PRKD3: variants seen among roughly 807,000 people sequenced by gnomAD.
PRKD3 encodes the protein serine/threonine-protein kinase D3.
In PRKD3, 47 loss-of-function variants were observed where a neutral mutation model predicts 99.2. That is an observed-to-expected ratio of 0.47 (90% CI 0.38 to 0.60). The LOEUF (loss-of-function observed/expected upper bound fraction) is 0.60. Ranked by LOEUF, PRKD3 falls within the 20% of genes least tolerant of loss-of-function variation. PRKD3 has a pLI of 0.00. For synonymous variants in PRKD3, 392 were observed against 355.4 expected, an observed-to-expected ratio of 1.10 and a Z score of -1.16; for missense variants, 1,019 against 1,088.4, an observed-to-expected ratio of 0.94 and a Z score of 0.90.
chr2:37,286,251 T>G lies in PRKD3; in HGVS notation c.836A>C (p.Tyr279Ser). 1 of 1,614,140 alleles carries G rather than the reference T, an allele frequency of 6.2e-7. No individual in the cohort carries two copies. ...GTACTGACATATCGTGGGACGGGTG[T>G]AAGAGTGAACAGCAAATGTGTGTGG... ...KVPHTFAVHS[Y>S]TRPTICQYCK... Residue 279 changes from tyrosine (Y) to serine (S), a missense_variant, in exon 6 of 19, where the codon TAC becomes TCC. Transcript: ENST00000234179.
At chr2:37,283,441 C>G (rs893307019) in intron 6 of PRKD3, among the ~76,000 whole-genome samples, 3 of 152,142 alleles carry the variant, frequency 2.0e-5, no homozygotes, top group Admixed American at 6.5e-5. Flanking sequence ...TTTTGTAACC[C>G]TTGTGAGTCA....
chr2:37,305,763 C>CT (rs1671136885), intron 2 of PRKD3, among the ~76,000 whole-genome samples: 1 of 152,190 alleles, frequency 6.6e-6, no homozygotes, highest in South Asian at 2.1e-4. Flanking sequence ...GGCTTTGGGA[C>CT]TTTAAGATCA....
chr2:37,307,971 T>C (rs1671235633), intron 2 of PRKD3, among the ~76,000 whole-genome samples: 1 of 152,246 alleles, frequency 6.6e-6, no homozygotes, highest in African/African-American at 2.4e-5. Flanking sequence ...GTTCTCTATT[T>C]CTATGAAATT....
chr2:37,318,517 C>CT (rs1347576751), intron 1 of PRKD3, among the ~76,000 whole-genome samples: 1 of 152,216 alleles, frequency 6.6e-6, no homozygotes, highest in Non-Finnish European at 1.5e-5. Flanking sequence ...CAAGAACACA[C>CT]TATTTCTCGA....
intron 13 of PRKD3, chr2:37,267,810 C>G: frequency 2.9e-6 from 1 of 347,990 alleles, no homozygotes; most frequent in Non-Finnish European, 5.2e-6. Flanking sequence ...CTTGTTAAAT[C>G]AATGATAGTT....
chr2:37,263,859 C>T (rs976878374), intron 14 of PRKD3, among the ~76,000 whole-genome samples: 4 of 152,052 alleles, frequency 2.6e-5, no homozygotes, highest in Admixed American at 2.6e-4. Flanking sequence ...AGTATGCTCA[C>T]TTCTGTTAAT....
chr2:37,289,623 T>C (rs1320021389), intron 4 of PRKD3, 110 bp from the exon 5 acceptor site: 2 of 896,816 alleles, frequency 2.2e-6, no homozygotes, highest in South Asian at 2.1e-5. Context: ...CTGTTAGCCA[T>C]ACCTATCCTA....
At chr2:37,256,592 T>A (rs955124741) in intron 17 of PRKD3, 70 bp downstream of exon 17, 10 of 1,419,882 alleles carry the variant, frequency 7.0e-6, no homozygotes, top group Non-Finnish European at 1.8e-6. Context: ...TGATTTGGGA[T>A]GAGAAAGATG....
chr2:37,262,652 A>AG (rs1668552870), intron 14 of PRKD3, among the ~76,000 whole-genome samples: 1 of 151,006 alleles, frequency 6.6e-6, no homozygotes, highest in African/African-American at 2.5e-5. Context: ...CTGTTTTGCT[A>AG]GGCCATAGTT....
intron 2 of PRKD3, among the ~76,000 whole-genome samples, chr2:37,300,107 A>C (rs1670856072): frequency 6.6e-6 from 1 of 152,216 alleles, no homozygotes; most frequent in South Asian, 2.1e-4. Flanking sequence ...TAGCCACAAC[A>C]GGGAATCAAC....
intron 2 of PRKD3, among the ~76,000 whole-genome samples, chr2:37,314,256 G>C (rs1309604824): frequency 6.6e-6 from 1 of 152,150 alleles, no homozygotes; most frequent in Non-Finnish European, 1.5e-5. Context: ...TCCTCTTGAG[G>C]AAAAATGATT....
chr2:37,275,912 T>C, intron 9 of PRKD3, 68 bp from the exon 10 acceptor site: 1 of 1,514,006 alleles, frequency 6.6e-7, no homozygotes, highest in Non-Finnish European at 8.8e-7. Flanking sequence ...GTACCTAACT[T>C]TTCCCTTCAT....
Position 37,252,069 on chromosome 2 carries a change from C to T in PRKD3, c.*1108G>A, listed in dbSNP as rs912660926. ...TCTTTAATTTGCTGTGCTGATAATA[C>T]AGCCCCAGCCTTATAAACTGTTTCA... On this transcript the variant is annotated 3_prime_UTR_variant, in exon 19 of 19. Coordinates refer to ENST00000234179, the MANE Select transcript of PRKD3 (RefSeq NM_005813.6). The T allele has an allele frequency of 2.6e-5, 4 of 152,114 alleles. No homozygotes were observed. Among genetic ancestry groups the T allele is most frequent in the Admixed American group, 6.6e-5 (1 of 15,258 alleles). The allele number at this position is 152,114 out of a possible 1,614,324, so 9.4% of individuals were successfully genotyped here.
intron 2 of PRKD3, among the ~76,000 whole-genome samples, chr2:37,308,481 G>A (rs1347315986): frequency 6.6e-6 from 1 of 151,876 alleles, no homozygotes; most frequent in African/African-American, 2.4e-5. Context: ...CTGCAGTGAA[G>A]TGGCGCAATC....
intron 13 of PRKD3, 25 bp downstream of exon 13, chr2:37,269,590 T>G (rs1213386741): frequency 6.3e-7 from 1 of 1,579,866 alleles, no homozygotes; most frequent in Admixed American, 1.7e-5. Context: ...ATGTGTACAA[T>G]ATGCAAACGG....
At position 37,290,965 on chromosome 2, in the gene PRKD3, T is replaced by C; in HGVS notation, c.462A>G (p.Pro154=). 1 of 1,608,236 alleles carries C rather than the reference T, an allele frequency of 6.2e-7. No homozygotes were observed. The highest frequency in any genetic ancestry group is 8.5e-7 in the Non-Finnish European group (1 of 1,175,628). The change falls in exon 4 of 19, where the codon CCA becomes CCG. Residue 154 remains proline (P), a synonymous_variant. Coordinates refer to ENST00000234179, the MANE Select transcript of PRKD3 (RefSeq NM_005813.6). ...TGTAAGAATGTACATAGAGAGTATG[T>C]GGACGAATCTGGAAGTCTTCTACTG... ...LATVEDFQIR[P]HTLYVHSYKA...
intron 11 of PRKD3, among the ~76,000 whole-genome samples, chr2:37,273,872 TAA>T (rs1156721178): frequency 2.0e-5 from 3 of 152,256 alleles, no homozygotes; most frequent in African/African-American, 7.2e-5. Flanking sequence ...CTTAATTATA[TAA>T]GTTTTGTTGG....
intron 14 of PRKD3, among the ~76,000 whole-genome samples, chr2:37,261,314 C>T (rs944573891): frequency 6.6e-6 from 1 of 150,864 alleles, no homozygotes; most frequent in African/African-American, 2.4e-5. Flanking sequence ...CGGTGAAATC[C>T]TGTCTCTACC....
intron 6 of PRKD3, among the ~76,000 whole-genome samples, chr2:37,284,941 C>G (rs1028787272): frequency 7.2e-5 from 11 of 152,144 alleles, no homozygotes; most frequent in African/African-American, 1.2e-4. Flanking sequence ...ATCCCTCCCC[C>G]CTCAGAAAAG....
Sources: allele counts gnomAD v4.1 joint callset (sites outside exome capture counted in the v4.1 genomes callset), GRCh38; gene constraint gnomAD v4.1.1; transcripts MANE v1.5; gene names NCBI Gene and HGNC (gene_info 2026-07-23, HGNC 2026-07-21).